TRANK1: variants seen among roughly 807,000 people sequenced by gnomAD.
TRANK1 encodes the protein TPR and ankyrin repeat-containing protein 1.
TRANK1 carries 198 observed loss-of-function variants against 266.0 expected under a neutral mutation model. That is an observed-to-expected ratio of 0.74 (90% CI 0.66 to 0.84). The LOEUF (loss-of-function observed/expected upper bound fraction) is 0.84, where lower values mean the gene tolerates loss of function less well. Ranked by LOEUF, TRANK1 falls within the 40% of genes least tolerant of loss-of-function variation. The probability of loss-of-function intolerance (pLI) is 0.00; values close to 1 mark genes in which losing one functional copy is unlikely to be tolerated. For missense variants in TRANK1, 3,326 were observed against 3,634.6 expected (o/e 0.92, Z 2.18); for synonymous variants, 1,396 against 1,384.1 (o/e 1.01, Z -0.19).
At chr3:36,942,593 C>T (rs559779589) in intron 1 of TRANK1, among the ~76,000 whole-genome samples, 1 of 151,744 alleles carries the variant, frequency 6.6e-6, no homozygotes, top group South Asian at 2.1e-4. Context: ...TCTGTGGACA[C>T]ATAGCCAGAA....
chr3:36,877,576 AGTT>A (rs777333457), intron 8 of TRANK1, among the ~76,000 whole-genome samples: 12 of 152,210 alleles, frequency 7.9e-5, no homozygotes, highest in Non-Finnish European at 1.6e-4. Flanking sequence ...TATTAGTATG[AGTT>A]GTTAAAAAAA....
chr3:36,857,899 T>C lies in TRANK1; in HGVS notation c.1823A>G (p.Lys608Arg). The change falls in exon 13 of 24, where the codon AAG becomes AGG. Residue 608 changes from lysine to arginine, a missense_variant. Coordinates refer to ENST00000645898, the MANE Select transcript of TRANK1 (RefSeq NM_001329998.2). The surrounding 1 kb of genome is among the most constrained non-coding windows in gnomAD (Gnocchi z 4.3). ...CTTCACCAGCAGGTCTAACAGCTTC[T>C]TCACGCGCTTTAGCATGCCCTTCTG... ...LFQKGMLKRV[K>R]KLLDLLVKFD... The C allele has an allele frequency of 6.2e-7, 1 of 1,610,800 alleles. No individual in the cohort carries two copies. The highest frequency in any genetic ancestry group is 1.7e-5 in the Admixed American group (1 of 60,032).
intron 11 of TRANK1, among the ~76,000 whole-genome samples, chr3:36,859,735 C>A (rs1450057144): frequency 6.6e-6 from 1 of 152,204 alleles, no homozygotes; most frequent in Non-Finnish European, 1.5e-5. Context: ...TTCCTAGCAC[C>A]TGATCCTGAG....
intron 8 of TRANK1, among the ~76,000 whole-genome samples, chr3:36,876,059 G>C (rs1056251833): frequency 1.3e-5 from 2 of 152,282 alleles, no homozygotes; most frequent in East Asian, 1.9e-4. Flanking sequence ...ATTCTTTAAG[G>C]GGGGATAAGG....
At position 36,895,387 on chromosome 3, in the gene TRANK1, A is replaced by C. The variant is rs1322531053; in HGVS notation, c.552+253T>G. ...GTTTTTCTCATTCCATATTACCATT[A>C]GCATCTGTACTTTACATTTCTTTGA... On this transcript the variant is annotated intron_variant, in intron 5 of 23. Coordinates refer to ENST00000645898, the MANE Select transcript of TRANK1 (RefSeq NM_001329998.2). Among the ~76,000 whole-genome samples, 4 of 152,234 alleles carry C rather than the reference A, an allele frequency of 2.6e-5. 1 individual carries two copies. The highest frequency in any genetic ancestry group is 5.9e-5 in the Non-Finnish European group (4 of 68,048).
intron 1 of TRANK1, among the ~76,000 whole-genome samples, chr3:36,913,297 C>T (rs764645569): frequency 8.6e-5 from 13 of 151,996 alleles, no homozygotes; most frequent in African/African-American, 1.5e-4. Context: ...GTGATCCGGC[C>T]GCCTCGTGTC....
At chr3:36,868,824 C>A (rs993648600) in intron 9 of TRANK1, among the ~76,000 whole-genome samples, 8 of 152,188 alleles carry the variant, frequency 5.3e-5, no homozygotes, top group African/African-American at 9.7e-5. Context: ...CAGGCACTGT[C>A]CTGGTGCTGA....
Position 36,899,106 on chromosome 3 carries a change from T to C in TRANK1, c.433+3A>G, listed in dbSNP as rs746064627. On this transcript the variant is annotated splice_donor_region_variant and intron_variant, in intron 4 of 23. Coordinates refer to ENST00000645898, the MANE Select transcript of TRANK1 (RefSeq NM_001329998.2). ...ACAAAAAGTCTCCCCAGTTCCAACT[T>C]ACTGCTCATAGTGGTGAAGACTCCA... 1.3e-6 allele frequency: 2 copies of C among 1,537,150 alleles called. No individual in the cohort carries two copies. The highest frequency in any genetic ancestry group is 2.4e-5 in the South Asian group (2 of 84,052).
intron 18 of TRANK1, among the ~76,000 whole-genome samples, chr3:36,839,419 A>G (rs2078813419): frequency 6.6e-6 from 1 of 152,330 alleles, no homozygotes; most frequent in South Asian, 2.1e-4. Context: ...ATTAGGTCTC[A>G]GTGTGGGCAA....
chr3:36,926,346 A>C (rs1473916869), intron 1 of TRANK1, among the ~76,000 whole-genome samples: 1 of 152,236 alleles, frequency 6.6e-6, no homozygotes, highest in Admixed American at 6.5e-5. Flanking sequence ...GTGCCCTCGC[A>C]AACAAGCACT....
chr3:36,935,315 T>C (rs1409425768), intron 1 of TRANK1, among the ~76,000 whole-genome samples: 1 of 152,194 alleles, frequency 6.6e-6, no homozygotes, highest in Non-Finnish European at 1.5e-5. Context: ...ATCCCCTGAA[T>C]TATGATTTAC....
chr3:36,888,934 C>G (rs1223219620), intron 8 of TRANK1, among the ~76,000 whole-genome samples: 1 of 152,260 alleles, frequency 6.6e-6, no homozygotes, highest in South Asian at 2.1e-4. Flanking sequence ...ATCCCAACTA[C>G]TCAGGAGAGG....
chr3:36,863,808 T>G (rs1055866766), intron 10 of TRANK1, among the ~76,000 whole-genome samples: 1 of 152,224 alleles, frequency 6.6e-6, no homozygotes, highest in Non-Finnish European at 1.5e-5. Context: ...GGCCATGCCT[T>G]CTTGCACTCT....
At chr3:36,938,819 G>A (rs1031685932) in intron 1 of TRANK1, among the ~76,000 whole-genome samples, 2 of 152,024 alleles carry the variant, frequency 1.3e-5, no homozygotes, top group African/African-American at 4.8e-5. Flanking sequence ...ATTTAGCGGA[G>A]GGTGGTGGCG....
At chr3:36,851,635 C>T (rs1455291437) in intron 15 of TRANK1, 84 bp downstream of exon 15, 2 of 1,480,740 alleles carry the variant, frequency 1.4e-6, no homozygotes, top group Non-Finnish European at 1.8e-6. Context: ...CTCTCTTACC[C>T]TCAACTCCAA....
At chr3:36,834,570 TAA>T (rs1248111562) in intron 21 of TRANK1, 190 bp downstream of exon 21, 4 of 574,494 alleles carry the variant, frequency 7.0e-6, no homozygotes, top group Admixed American at 3.5e-5. Context: ...TCAAAGCTTA[TAA>T]AGAGACTGGA....
At chr3:36,849,188 A>T (rs2078954461) in intron 15 of TRANK1, among the ~76,000 whole-genome samples, 1 of 152,112 alleles carries the variant, frequency 6.6e-6, no homozygotes, top group East Asian at 1.9e-4. Flanking sequence ...TAGACAACCC[A>T]TAAAGGTTGT....
intron 8 of TRANK1, among the ~76,000 whole-genome samples, chr3:36,882,746 A>G (rs552489584): frequency 2.0e-5 from 3 of 152,248 alleles, no homozygotes; most frequent in Non-Finnish European, 2.9e-5. Context: ...TACCACAGAC[A>G]AGAGCTAATG....
chr3:36,888,408 A>G (rs984160610), intron 8 of TRANK1, among the ~76,000 whole-genome samples: 9 of 152,242 alleles, frequency 5.9e-5, no homozygotes, highest in African/African-American at 1.9e-4. Flanking sequence ...ATGTATTGTG[A>G]TGTTACTTGC....
Sources: gnomAD v4.1 joint callset for allele counts (sites outside exome capture counted in the v4.1 genomes callset) on GRCh38, gnomAD v4.1.1 for gene constraint, Gnocchi (gnomAD v3.1) non-coding constraint, MANE v1.5 for transcripts, NCBI Gene and HGNC (gene_info 2026-07-23, HGNC 2026-07-21) for gene names.